ENAH: variants seen among roughly 807,000 people sequenced by gnomAD.
ENAH encodes the protein protein enabled homolog.
In ENAH, 23 loss-of-function variants were observed where a neutral mutation model predicts 78.7. That is an observed-to-expected ratio of 0.29 (90% CI 0.21 to 0.41). The LOEUF (loss-of-function observed/expected upper bound fraction) is 0.41. Among genes scored for constraint, ENAH ranks in the 10% least tolerant of loss-of-function variants. ENAH has a pLI of 1.00. For synonymous variants in ENAH, 226 were observed against 241.0 expected (o/e 0.94, Z 0.58); for missense variants, 544 against 691.0 (o/e 0.79, Z 2.39).
intron 10 of ENAH, 41 bp downstream of exon 10, chr1:225,511,770 G>C (rs750570938): frequency 2.0e-5 from 29 of 1,446,914 alleles, no homozygotes; most frequent in Non-Finnish European, 2.7e-5. Context: ...TTAATATTTA[G>C]AGAAAGTTTA....
At chr1:225,552,134 C>CTTTTTTTTTTTTTTTTTTTT (rs397983036) in intron 3 of ENAH, among the ~76,000 whole-genome samples, 1 of 115,964 alleles carries the variant, frequency 8.6e-6, no homozygotes, top group Non-Finnish European at 1.7e-5. Context: ...ACTCCTGATT[C>CTTTTTTTTTTTTTTTTTTTT]TTTTTTTTTT....
At chr1:225,544,736 G>A (rs936609058) in intron 3 of ENAH, among the ~76,000 whole-genome samples, 4 of 152,096 alleles carry the variant, frequency 2.6e-5, no homozygotes, top group Non-Finnish European at 4.4e-5. Flanking sequence ...GAACTTAAAA[G>A]TCATAGAAGT....
At chr1:225,637,793 G>C (rs1660325437) in intron 1 of ENAH, among the ~76,000 whole-genome samples, 1 of 152,094 alleles carries the variant, frequency 6.6e-6, no homozygotes, top group African/African-American at 2.4e-5. Context: ...TGTGATGGCA[G>C]GTGCCTATAG....
At chr1:225,533,473 A>AG (rs2096547553) in intron 3 of ENAH, among the ~76,000 whole-genome samples, 1 of 152,146 alleles carries the variant, frequency 6.6e-6, no homozygotes. Context: ...CCCTTTGGGG[A>AG]GGGGAAAAAG....
At position 225,642,620 on chromosome 1, in the gene ENAH, T is replaced by C. The variant is rs56234511; in HGVS notation, c.5+10066A>G. On this transcript the variant is annotated intron_variant, in intron 1 of 13. Transcript: ENST00000366843. ...AGGAGTTCGAGGTTGCAGTAAGCTATGATTGTACCACTGCACTCCAGCCCG... is the reference window on the plus strand; with the variant it reads ...AGGAGTTCGAGGTTGCAGTAAGCTACGATTGTACCACTGCACTCCAGCCCG... 7.4e-3 allele frequency among the ~76,000 whole-genome samples: 1,123 copies of C among 152,014 alleles called. 9 individuals carry two copies. Among genetic ancestry groups the C allele is most frequent in the Admixed American group, 0.013 (196 of 15,286 alleles).
At chr1:225,609,387 A>G (rs1482519082) in intron 1 of ENAH, among the ~76,000 whole-genome samples, 1 of 152,088 alleles carries the variant, frequency 6.6e-6, no homozygotes, top group African/African-American at 2.4e-5. Flanking sequence ...CATGGCTCCA[A>G]TGTGAATAGT....
chr1:225,627,255 C>T (rs950051900), intron 1 of ENAH, among the ~76,000 whole-genome samples: 5 of 152,114 alleles, frequency 3.3e-5, no homozygotes, highest in Non-Finnish European at 7.3e-5. Flanking sequence ...GATTTGGACA[C>T]GTGGTATTTA....
At chr1:225,504,719 G>C (rs903108682) in intron 11 of ENAH, among the ~76,000 whole-genome samples, 1 of 152,128 alleles carries the variant, frequency 6.6e-6, no homozygotes, top group Non-Finnish European at 1.5e-5. Context: ...ATCATAAGGC[G>C]AACAGCCTTT....
At chr1:225,544,934 G>A (rs1391896428) in intron 3 of ENAH, among the ~76,000 whole-genome samples, 3 of 152,106 alleles carry the variant, frequency 2.0e-5, no homozygotes, top group Non-Finnish European at 4.4e-5. Flanking sequence ...TTAAATAGAT[G>A]GTGGTTACAA....
intron 6 of ENAH, among the ~76,000 whole-genome samples, chr1:225,515,690 G>C (rs951911276): frequency 6.6e-6 from 1 of 152,172 alleles, no homozygotes; most frequent in Non-Finnish European, 1.5e-5. Flanking sequence ...GGTTTAAGAG[G>C]GGTGTTTTCA....
At chr1:225,517,801 G>A in intron 5 of ENAH, 3 of 1,551,428 alleles carry the variant, frequency 1.9e-6, no homozygotes, top group African/African-American at 1.4e-5. Flanking sequence ...ACGTGTCGCT[G>A]AGTGTCGCAG....
At chr1:225,511,295 T>C (rs983421105) in intron 10 of ENAH, among the ~76,000 whole-genome samples, 1 of 152,224 alleles carries the variant, frequency 6.6e-6, no homozygotes, top group African/African-American at 2.4e-5. Flanking sequence ...ACTCATCAAG[T>C]ACTTCTAGTG....
At chr1:225,579,529 G>T (rs2096804227) in intron 1 of ENAH, among the ~76,000 whole-genome samples, 1 of 152,018 alleles carries the variant, frequency 6.6e-6, no homozygotes, top group Non-Finnish European at 1.5e-5. Context: ...TTTCTTCAAA[G>T]AATTACATGA....
Position 225,540,662 on chromosome 1 carries a change from T to C in ENAH, c.350-10024A>G, listed in dbSNP as rs2096584526. Among the ~76,000 whole-genome samples, 3 of 151,596 alleles carry C rather than the reference T, an allele frequency of 2.0e-5. No homozygotes were observed. In the South Asian group the frequency reaches 6.3e-4, roughly 32 times the overall value. On this transcript the variant is annotated intron_variant, in intron 3 of 13. Transcript: ENST00000366843. ...CATTGAAAATGCTACACAGTTCTCCTTTACATAATTTACCAAGTTTTAAAA... is the reference window on the plus strand; with the variant it reads ...CATTGAAAATGCTACACAGTTCTCCCTTACATAATTTACCAAGTTTTAAAA...
At chr1:225,615,871 G>GT (rs58578513) in intron 1 of ENAH, among the ~76,000 whole-genome samples, 11,759 of 152,194 alleles carry the variant, frequency 0.077, 1,526 homozygotes, top group African/African-American at 0.27. Context: ...GACGATGGCG[G>GT]TTTTGTCGAA....
intron 10 of ENAH, among the ~76,000 whole-genome samples, chr1:225,509,780 C>A (rs1011982466): frequency 1.3e-5 from 2 of 152,150 alleles, no homozygotes; most frequent in African/African-American, 2.4e-5. Context: ...CTACAATATT[C>A]CTCAAAAAGA....
chr1:225,551,453 G>A (rs1440863506), intron 3 of ENAH, among the ~76,000 whole-genome samples: 1 of 152,072 alleles, frequency 6.6e-6, no homozygotes, highest in Non-Finnish European at 1.5e-5. Flanking sequence ...CACGGAAGAA[G>A]AGGAAAGGAA....
At chr1:225,554,597 C>T (rs987645458) in intron 3 of ENAH, among the ~76,000 whole-genome samples, 3 of 152,136 alleles carry the variant, frequency 2.0e-5, no homozygotes, top group African/African-American at 7.2e-5. Flanking sequence ...CATGTACTTG[C>T]AACGGAAGTG....
intron 4 of ENAH, among the ~76,000 whole-genome samples, chr1:225,523,586 T>C (rs2096485527): frequency 1.3e-5 from 2 of 152,270 alleles, no homozygotes; most frequent in South Asian, 2.1e-4. Flanking sequence ...AAAGAAAGTG[T>C]TGAACACTTT....
Sources: allele counts gnomAD v4.1 joint callset (sites outside exome capture counted in the v4.1 genomes callset), GRCh38; gene constraint gnomAD v4.1.1; transcripts MANE v1.5; gene names NCBI Gene and HGNC (gene_info 2026-07-23, HGNC 2026-07-21).